Variants in SLIT2 observed in about 807,000 individuals in gnomAD.
SLIT2 encodes the protein slit guidance ligand 2.
A neutral mutation model predicts 185.7 loss-of-function variants in SLIT2; 41 were observed. The observed-to-expected ratio is 0.22, with a 90% confidence interval of 0.17 to 0.29. The LOEUF (loss-of-function observed/expected upper bound fraction) is 0.29, where lower values mean the gene tolerates loss of function less well. Among genes scored for constraint, SLIT2 ranks in the 10% least tolerant of loss-of-function variants. SLIT2 has a pLI of 1.00. For missense variants in SLIT2, 1,571 were observed against 1,909.0 expected, an observed-to-expected ratio of 0.82 and a Z score of 3.30; for synonymous variants, 693 against 680.2, an observed-to-expected ratio of 1.02 and a Z score of -0.29.
At chr4:20,395,983 T>C (rs935173621) in intron 4 of SLIT2, among the ~76,000 whole-genome samples, 8 of 151,922 alleles carry the variant, frequency 5.3e-5, no homozygotes. Context: ...TTTTAAAAGG[T>C]AGATCACAAG....
chr4:20,573,317 A>G (rs1725780443), intron 29 of SLIT2: 1 of 702,692 alleles, frequency 1.4e-6, no homozygotes, highest in African/African-American at 1.7e-5. Context: ...CTTTCTTGTA[A>G]AGTTACATAG....
At chr4:20,445,722 T>A (rs1711711027) in intron 4 of SLIT2, among the ~76,000 whole-genome samples, 1 of 152,228 alleles carries the variant, frequency 6.6e-6, no homozygotes, top group Non-Finnish European at 1.5e-5. Context: ...GCTCTCTTTT[T>A]TCTCTTAAAA....
intron 34 of SLIT2, among the ~76,000 whole-genome samples, chr4:20,610,540 C>G (rs73093165): frequency 6.6e-6 from 1 of 152,168 alleles, no homozygotes; most frequent in African/African-American, 2.4e-5. Context: ...AATGATAAAA[C>G]AAGCTTAATG....
At chr4:20,304,638 T>C (rs1042483606) in intron 4 of SLIT2, among the ~76,000 whole-genome samples, 1 of 152,144 alleles carries the variant, frequency 6.6e-6, no homozygotes, top group African/African-American at 2.4e-5. Flanking sequence ...GCTGCCTTGC[T>C]GTTAGGAAGC....
At chr4:20,342,146 A>G (rs1721009518) in intron 4 of SLIT2, among the ~76,000 whole-genome samples, 1 of 152,196 alleles carries the variant, frequency 6.6e-6, no homozygotes, top group African/African-American at 2.4e-5. Flanking sequence ...TTACTAGTTA[A>G]TTAATCACAT....
chr4:20,472,258 CTA>C (rs1337807058), intron 5 of SLIT2, among the ~76,000 whole-genome samples: 1 of 31,246 alleles, frequency 3.2e-5, no homozygotes, highest in Non-Finnish European at 5.3e-5. Context: ...ATATATAGAT[CTA>C]TATATAGATA....
intron 4 of SLIT2, among the ~76,000 whole-genome samples, chr4:20,451,188 C>A (rs918898124): frequency 6.6e-6 from 1 of 152,176 alleles, no homozygotes; most frequent in Non-Finnish European, 1.5e-5. Context: ...CTCCGTTACA[C>A]CTTCCTGAAG....
chr4:20,478,887 T>C (rs993543538), intron 5 of SLIT2, among the ~76,000 whole-genome samples: 1 of 152,162 alleles, frequency 6.6e-6, no homozygotes, highest in Admixed American at 6.6e-5. Context: ...TCTGTAAAAA[T>C]CAAAAGTGCT....
chr4:20,463,972 C>T (rs1714068334), intron 4 of SLIT2, among the ~76,000 whole-genome samples: 1 of 151,952 alleles, frequency 6.6e-6, no homozygotes, highest in Non-Finnish European at 1.5e-5. Context: ...TCTCATCTAA[C>T]TTCAGAGTGA....
intron 4 of SLIT2, among the ~76,000 whole-genome samples, chr4:20,341,649 T>C (rs4318645): frequency 0.87 from 132,087 of 152,126 alleles, 57,521 homozygotes; most frequent in African/African-American, 0.92. Flanking sequence ...CTCTGCTTTG[T>C]GGTAAACATC....
intron 5 of SLIT2, among the ~76,000 whole-genome samples, chr4:20,475,138 T>A (rs1405315742): frequency 6.6e-6 from 1 of 152,126 alleles, no homozygotes; most frequent in Non-Finnish European, 1.5e-5. Context: ...CCCTTCAATC[T>A]GTACAGAAGC....
At chr4:20,307,211 T>C in intron 4 of SLIT2, among the ~76,000 whole-genome samples, 3 of 76,424 alleles carry the variant, frequency 3.9e-5, no homozygotes, top group African/African-American at 9.2e-5. Context: ...TGACTCCCTC[T>C]CTCCACCCCC....
chr4:20,578,394 C>T (rs533597669), intron 29 of SLIT2, among the ~76,000 whole-genome samples: 1 of 152,260 alleles, frequency 6.6e-6, no homozygotes, highest in South Asian at 2.1e-4. Context: ...TACATTTATT[C>T]AAATCTTTCT....
intron 5 of SLIT2, among the ~76,000 whole-genome samples, chr4:20,469,315 T>C (rs1484180939): frequency 1.3e-5 from 2 of 152,144 alleles, no homozygotes; most frequent in Non-Finnish European, 2.9e-5. Flanking sequence ...TTACCTCTAA[T>C]TCCTTAAAAC....
intron 3 of SLIT2, among the ~76,000 whole-genome samples, chr4:20,262,781 A>G (rs367576165): frequency 1.3e-5 from 2 of 151,986 alleles, no homozygotes; most frequent in South Asian, 4.1e-4. Flanking sequence ...AGGTTTACTG[A>G]CGCTGGTCAT....
At chr4:20,454,581 C>A (rs552944791) in intron 4 of SLIT2, among the ~76,000 whole-genome samples, 149 of 152,224 alleles carry the variant, frequency 9.8e-4, no homozygotes, top group Non-Finnish European at 1.9e-3. Context: ...TGATATTTCT[C>A]AGTCAGACTC....
intron 4 of SLIT2, among the ~76,000 whole-genome samples, chr4:20,386,151 T>C (rs2109353668): frequency 6.6e-6 from 1 of 152,304 alleles, no homozygotes; most frequent in Middle Eastern, 3.4e-3. Flanking sequence ...ATTTGGGCTT[T>C]ACTTAGAGCT....
At chr4:20,448,400 C>T (rs981623358) in intron 4 of SLIT2, among the ~76,000 whole-genome samples, 1 of 152,106 alleles carries the variant, frequency 6.6e-6, no homozygotes, top group Non-Finnish European at 1.5e-5. Flanking sequence ...TGGCTCACTG[C>T]AAACTGTGCT....
At position 20,609,523 on chromosome 4, in the gene SLIT2, G is replaced by A. The variant is rs147593463; in HGVS notation, c.3693-490G>A. 2.5e-4 allele frequency among the ~76,000 whole-genome samples: 38 copies of A among 152,282 alleles called. 1 individual carries two copies. In the East Asian group the frequency reaches 5.0e-3, roughly 20 times the overall value. ...CCAAGTTGTTTCTCCTTGCATTTGT[G>A]TGTGTGTTTGATTCTGGTAAGTCCT... On this transcript the variant is annotated intron_variant, in intron 33 of 36. Transcript: ENST00000504154.
Sources: allele counts gnomAD v4.1 joint callset (sites outside exome capture counted in the v4.1 genomes callset), GRCh38; gene constraint gnomAD v4.1.1; transcripts MANE v1.5; gene names NCBI Gene and HGNC (gene_info 2026-07-23, HGNC 2026-07-21).